MYO5A: variants seen among roughly 807,000 people sequenced by gnomAD.
The protein encoded by MYO5A is unconventional myosin-Va.
A neutral mutation model predicts 249.7 loss-of-function variants in MYO5A; 98 were observed. That is an observed-to-expected ratio of 0.39 (90% CI 0.33 to 0.46). MYO5A has a LOEUF of 0.46. Ranked by LOEUF, MYO5A falls within the 20% of genes least tolerant of loss-of-function variation. The probability of loss-of-function intolerance (pLI) is 0.98; values close to 1 mark genes in which losing one functional copy is unlikely to be tolerated. For synonymous variants in MYO5A, 778 were observed against 810.6 expected (o/e 0.96, Z 0.68); for missense variants, 1,696 against 2,308.8 (o/e 0.73, Z 5.44).
At chr15:52,334,428 TCTG>T (rs1338026741) in intron 34 of MYO5A, among the ~76,000 whole-genome samples, 1 of 152,192 alleles carries the variant, frequency 6.6e-6, no homozygotes, top group African/African-American at 2.4e-5. Context: ...ATTTTTAAGT[TCTG>T]CTAATAGACA....
At chr15:52,332,523 G>C (rs1189901046) in intron 34 of MYO5A, among the ~76,000 whole-genome samples, 1 of 152,174 alleles carries the variant, frequency 6.6e-6, no homozygotes, top group Non-Finnish European at 1.5e-5. Flanking sequence ...AAAAATGTCA[G>C]ATAGAATGTG....
intron 1 of MYO5A, among the ~76,000 whole-genome samples, chr15:52,517,950 G>A (rs1286482094): frequency 6.6e-6 from 1 of 151,232 alleles, no homozygotes; most frequent in Non-Finnish European, 1.5e-5. Flanking sequence ...TAGCTACAAG[G>A]CATCACTTCT....
intron 1 of MYO5A, among the ~76,000 whole-genome samples, chr15:52,482,568 C>T (rs185613547): frequency 2.8e-4 from 42 of 152,256 alleles, no homozygotes; most frequent in African/African-American, 9.6e-4. Flanking sequence ...TAAAAACTTT[C>T]ATCACACATC....
At chr15:52,450,836 TA>T (rs2076001018) in intron 1 of MYO5A, among the ~76,000 whole-genome samples, 1 of 135,432 alleles carries the variant, frequency 7.4e-6, no homozygotes, top group Admixed American at 8.2e-5. Context: ...TAGATTGCAC[TA>T]CTGTGGTTTT....
chr15:52,317,043 T>C lies in MYO5A; in HGVS notation c.5409+5A>G, dbSNP rs749682932. The C allele has an allele frequency of 2.5e-5, 40 of 1,613,084 alleles. 1 individual carries two copies. The Admixed American group carries it at 5.7e-4, about 23-fold the overall frequency. On this transcript the variant is annotated splice_donor_5th_base_variant and intron_variant, in intron 40 of 41. Transcript: ENST00000399233. Reference sequence around the variant, plus strand: ...ATTATTTTGTAACAGGGAAAGTTGCTCTACCTGGGCAGTAGTTAAAGCATT... The same window carrying C: ...ATTATTTTGTAACAGGGAAAGTTGCCCTACCTGGGCAGTAGTTAAAGCATT...
intron 1 of MYO5A, among the ~76,000 whole-genome samples, chr15:52,472,578 T>C (rs1414533693): frequency 1.3e-5 from 2 of 152,146 alleles, no homozygotes; most frequent in East Asian, 3.9e-4. Context: ...CGGTGTGATG[T>C]ACCCCATCCT....
At position 52,346,046 on chromosome 15, in the gene MYO5A, A is replaced by G. The variant is rs566314959; in HGVS notation, c.3959+315T>C. Among the ~76,000 whole-genome samples, 3 of 152,364 alleles carry G rather than the reference A, an allele frequency of 2.0e-5. No individual in the cohort carries two copies. In the East Asian group the frequency reaches 5.8e-4, roughly 29 times the overall value. ...CCATCCTGAATAACAAATGAAAGTG[A>G]CTACCTAAGATTGTATGACCTGAGC... On this transcript the variant is annotated intron_variant, in intron 30 of 41. Coordinates refer to ENST00000399233, the MANE Select transcript of MYO5A (RefSeq NM_001382347.1).
Position 52,370,337 on chromosome 15 carries a change from A to G in MYO5A, c.2898T>C (p.Ser966=). 1 of 1,614,146 alleles carries G rather than the reference A, an allele frequency of 6.2e-7. No individual in the cohort carries two copies. The highest frequency in any genetic ancestry group is 8.5e-7 in the Non-Finnish European group (1 of 1,180,014). Residue 966 remains serine, a synonymous_variant, in exon 22 of 42, where the codon AGT becomes AGC. Transcript: ENST00000399233. ...IYNSETEKLR[S]DLERLQLSEE... is the part of the protein sequence containing the mutation. ...CACTTAGTTGAAGACGTTCTAAGTC[A>G]CTTCGTAGTTTCTCAGTCTCAGAGT... is the stretch of plus-strand genomic sequence containing the variant.
intron 1 of MYO5A, among the ~76,000 whole-genome samples, chr15:52,498,414 A>G (rs2077085786): frequency 6.6e-6 from 1 of 152,212 alleles, no homozygotes; most frequent in Non-Finnish European, 1.5e-5. Flanking sequence ...ACTGCCCTAT[A>G]GAAAGACTGA....
chr15:52,519,945 G>GGA (rs1017185291), intron 1 of MYO5A, among the ~76,000 whole-genome samples: 3 of 152,072 alleles, frequency 2.0e-5, no homozygotes, highest in African/African-American at 7.2e-5. Context: ...TAGCCAAGCT[G>GGA]GTCTCAAGCT....
chr15:52,506,307 C>A (rs1367514495), intron 1 of MYO5A, among the ~76,000 whole-genome samples: 1 of 151,998 alleles, frequency 6.6e-6, no homozygotes, highest in Non-Finnish European at 1.5e-5. Flanking sequence ...GCCAAGACTG[C>A]GCCGCTGCAC....
Position 52,314,109 on chromosome 15 carries a change from A to G in MYO5A, c.5490+14T>C, listed in dbSNP as rs752447471. The G allele has an allele frequency of 2.5e-6, 4 of 1,583,508 alleles. No individual in the cohort carries two copies. The highest frequency in any genetic ancestry group is 4.5e-5 in the East Asian group (2 of 44,732). On this transcript the variant is annotated intron_variant, in intron 41 of 41. Transcript: ENST00000399233. Reference sequence around the variant, plus strand: ...CTGTGTTGGTGAATCAAAGAAGAAGATGGGAGCTCTTACCTGTATAGTACG... The same window carrying G: ...CTGTGTTGGTGAATCAAAGAAGAAGGTGGGAGCTCTTACCTGTATAGTACG...
intron 6 of MYO5A, among the ~76,000 whole-genome samples, chr15:52,410,131 C>T (rs1436565080): frequency 2.0e-5 from 3 of 152,134 alleles, no homozygotes; most frequent in Non-Finnish European, 4.4e-5. Flanking sequence ...AGTGACCAGT[C>T]CCAAAAACTA....
chr15:52,488,001 G>A (rs1359358475), intron 1 of MYO5A, among the ~76,000 whole-genome samples: 1 of 151,972 alleles, frequency 6.6e-6, no homozygotes, highest in African/African-American at 2.4e-5. Flanking sequence ...TGAGGCCTCT[G>A]ATTATCTCTC....
chr15:52,522,241 T>C (rs1381326440), intron 1 of MYO5A, among the ~76,000 whole-genome samples: 1 of 152,190 alleles, frequency 6.6e-6, no homozygotes, highest in Non-Finnish European at 1.5e-5. Flanking sequence ...GTGATGGAAA[T>C]GTTCTGCATC....
intron 9 of MYO5A, among the ~76,000 whole-genome samples, chr15:52,400,932 C>T (rs564622768): frequency 8.3e-4 from 126 of 152,256 alleles, no homozygotes; most frequent in African/African-American, 2.9e-3. Context: ...CATTTGCCCA[C>T]ATTTTGCTAA....
intron 3 of MYO5A, among the ~76,000 whole-genome samples, chr15:52,427,277 TA>T (rs2075416469): frequency 1.3e-5 from 2 of 152,024 alleles, no homozygotes; most frequent in African/African-American, 4.8e-5. Context: ...CTTACAACAG[TA>T]AACAAACAAA....
intron 1 of MYO5A, among the ~76,000 whole-genome samples, chr15:52,491,208 T>A (rs575331724): frequency 6.6e-6 from 1 of 152,248 alleles, no homozygotes; most frequent in African/African-American, 2.4e-5. Flanking sequence ...TCTCCAAAGA[T>A]GACCTACGAT....
intron 1 of MYO5A, among the ~76,000 whole-genome samples, chr15:52,466,269 G>A (rs1224610309): frequency 2.6e-5 from 4 of 152,158 alleles, no homozygotes; most frequent in African/African-American, 9.7e-5. Context: ...GCTGGGGCTT[G>A]GGGAACTGAA....
Sources: gnomAD v4.1 joint callset for allele counts (sites outside exome capture counted in the v4.1 genomes callset) on GRCh38, gnomAD v4.1.1 for gene constraint, MANE v1.5 for transcripts, NCBI Gene and HGNC (gene_info 2026-07-23, HGNC 2026-07-21) for gene names.